Variants in HSPB8 observed in about 807,000 individuals in gnomAD.
HSPB8 encodes heat shock protein family B (small) member 8.
Under a neutral mutation model 16.5 loss-of-function variants are expected in HSPB8, and 9 were observed. The observed-to-expected ratio is 0.55, with a 90% confidence interval of 0.33 to 0.95. The LOEUF (loss-of-function observed/expected upper bound fraction) is 0.95, where lower values mean the gene tolerates loss of function less well. Ranked by LOEUF, HSPB8 falls within the 40% of genes least tolerant of loss-of-function variation. The pLI is 0.03. For missense variants in HSPB8, 238 were observed against 251.2 expected (o/e 0.95, Z 0.35); for synonymous variants, 99 against 94.8 (o/e 1.04, Z -0.26).
At chr12:119,186,579 C>G (rs1954677316) in intron 1 of HSPB8, among the ~76,000 whole-genome samples, 1 of 152,122 alleles carries the variant, frequency 6.6e-6, no homozygotes, top group Admixed American at 6.5e-5. Context: ...ATAAAGCAAG[C>G]TACATGGCAG....
chr12:119,188,177 C>T (rs1954688569), intron 2 of HSPB8, among the ~76,000 whole-genome samples: 1 of 152,000 alleles, frequency 6.6e-6, no homozygotes, highest in Non-Finnish European at 1.5e-5. Context: ...ATACCTTCTC[C>T]CTAATCAGCA....
At position 119,179,266 on chromosome 12, in the gene HSPB8, G is replaced by T; in HGVS notation, c.-47G>T. The T allele has an allele frequency of 6.2e-7, 1 of 1,603,170 alleles. No individual in the cohort carries two copies. Among genetic ancestry groups the T allele is most frequent in the Non-Finnish European group, 8.5e-7 (1 of 1,173,016 alleles). ...CTTGTTGTGTGACCTTGGGCAGGTG[G>T]TTCTGTCTCTCTGAGCCTCTGTTTC... On this transcript the variant is annotated 5_prime_UTR_variant, in exon 1 of 3. Coordinates refer to ENST00000281938, the MANE Select transcript of HSPB8 (RefSeq NM_014365.3).
chr12:119,193,547 C>A (rs1954725005), intron 2 of HSPB8, 152 bp from the exon 3 acceptor site: 1 of 774,788 alleles, frequency 1.3e-6, no homozygotes, highest in Non-Finnish European at 2.2e-6. Flanking sequence ...CAAGACCACA[C>A]AGCTAGAAAG....
At chr12:119,184,878 G>C (rs568114538) in intron 1 of HSPB8, among the ~76,000 whole-genome samples, 7 of 152,270 alleles carry the variant, frequency 4.6e-5, no homozygotes, top group African/African-American at 1.7e-4. Flanking sequence ...ATAGAACACT[G>C]CAGCCATTAA....
chr12:119,190,407 G>A lies in HSPB8; in HGVS notation c.432-3292G>A, dbSNP rs118077627. ...TCCACCCAGGCAGGATGCTGCAGCT[G>A]TTTGCCTTAACCATGGCAAGGAAAT... On this transcript the variant is annotated intron_variant, in intron 2 of 2. Transcript: ENST00000281938. 4.8e-3 allele frequency among the ~76,000 whole-genome samples: 731 copies of A among 152,328 alleles called. 1 individual carries two copies. Among genetic ancestry groups the A allele is most frequent in the Non-Finnish European group, 8.7e-3 (593 of 68,040 alleles).
In HSPB8 at chr12:119,194,035, C is replaced by G. The variant is rs1386627283; in HGVS notation, c.*177C>G. The G allele has an allele frequency of 4.3e-6, 3 of 705,762 alleles. No individual in the cohort carries two copies. Among genetic ancestry groups the G allele is most frequent in the Non-Finnish European group, 7.4e-6 (3 of 405,932 alleles). 43.7% of individuals were successfully genotyped at this position (705,762 alleles called of 1,614,324 possible). A position where few individuals can be genotyped will look rare whatever the true frequency, so the allele number is the denominator to read the frequency against. On this transcript the variant is annotated 3_prime_UTR_variant, in exon 3 of 3. Coordinates refer to ENST00000281938, the MANE Select transcript of HSPB8 (RefSeq NM_014365.3). ...AGTGGTAGATTTCTCCACAGGATAG[C>G]GCAATTGGCAAATCATGCTTGGTTG...
chr12:119,187,202 G>T, intron 2 of HSPB8, 114 bp downstream of exon 2: 1 of 824,696 alleles, frequency 1.2e-6, no homozygotes, highest in South Asian at 1.4e-5. Flanking sequence ...ACACCTCCTT[G>T]GGGCAGGGAA....
intron 2 of HSPB8, among the ~76,000 whole-genome samples, chr12:119,190,592 T>C (rs1592931879): frequency 6.6e-6 from 1 of 152,310 alleles, no homozygotes; most frequent in East Asian, 1.9e-4. Context: ...TCACATCCCA[T>C]CTTCACTATT....
At chr12:119,190,889 T>C (rs893235208) in intron 2 of HSPB8, among the ~76,000 whole-genome samples, 4 of 152,224 alleles carry the variant, frequency 2.6e-5, no homozygotes, top group Non-Finnish European at 5.9e-5. Context: ...TTCCTTCAGA[T>C]GTAAGTAGAA....
Position 119,179,426 on chromosome 12 carries a change from C to T in HSPB8, c.114C>T (p.Asp38=). ...TGCTGGATGATGGCTTTGGCATGGA[C>T]CCCTTCCCAGACGACTTGACAGCCT... ...SRLLDDGFGM[D]PFPDDLTASW... is the part of the protein sequence containing the mutation. Residue 38 remains aspartate (D), a synonymous_variant, in exon 1 of 3, where the codon GAC becomes GAT. Coordinates refer to ENST00000281938, the MANE Select transcript of HSPB8 (RefSeq NM_014365.3). 2 of 1,614,124 alleles carry T rather than the reference C, an allele frequency of 1.2e-6. No homozygotes were observed. The highest frequency in any genetic ancestry group is 1.1e-5 in the South Asian group (1 of 91,080).
At chr12:119,180,678 C>T (rs1448808431) in intron 1 of HSPB8, among the ~76,000 whole-genome samples, 1 of 152,218 alleles carries the variant, frequency 6.6e-6, no homozygotes, top group Admixed American at 6.5e-5. Context: ...AGACAGGAAG[C>T]TCAGCCCCTG....
At chr12:119,186,692 ACTTGGAAGATTTG>A (rs1954678179) in intron 1 of HSPB8, 3 of 339,946 alleles carry the variant, frequency 8.8e-6, no homozygotes, top group Non-Finnish European at 1.7e-5. Flanking sequence ...CAGGTGGGAG[ACTTGGAAGATTTG>A]GTACAACACA....
At chr12:119,189,935 G>A (rs1230847449) in intron 2 of HSPB8, among the ~76,000 whole-genome samples, 1 of 152,168 alleles carries the variant, frequency 6.6e-6, no homozygotes, top group East Asian at 1.9e-4. Flanking sequence ...CCTTCTGAAT[G>A]GTCAGTGCCC....
chr12:119,187,990 A>G (rs1954687442), intron 2 of HSPB8, among the ~76,000 whole-genome samples: 1 of 152,068 alleles, frequency 6.6e-6, no homozygotes, highest in Non-Finnish European at 1.5e-5. Flanking sequence ...AGTAGAAGGG[A>G]TTCATGTTTA....
chr12:119,189,426 G>T (rs1160554791), intron 2 of HSPB8, among the ~76,000 whole-genome samples: 1 of 151,800 alleles, frequency 6.6e-6, no homozygotes, highest in Non-Finnish European at 1.5e-5. Flanking sequence ...CCAGGCTGGT[G>T]CTCAGCTGCT....
Position 119,189,858 on chromosome 12 carries a change from A to C in HSPB8, c.431+2770A>C, listed in dbSNP as rs530729705. Among the ~76,000 whole-genome samples, 492 of 152,008 alleles carry C rather than the reference A, an allele frequency of 3.2e-3. 2 individuals are homozygous for C. Among genetic ancestry groups the C allele is most frequent in the African/African-American group, 0.011 (471 of 41,466 alleles). On this transcript the variant is annotated intron_variant, in intron 2 of 2. Coordinates refer to ENST00000281938, the MANE Select transcript of HSPB8 (RefSeq NM_014365.3). ...TGATCTTGTCCCCAGGACCCTCTAA[A>C]CCTCTCCACCTTCCAACAACTAAAG...
At chr12:119,191,447 G>T (rs1954711630) in intron 2 of HSPB8, among the ~76,000 whole-genome samples, 1 of 152,130 alleles carries the variant, frequency 6.6e-6, no homozygotes, top group Non-Finnish European at 1.5e-5. Context: ...GCTTGACTTG[G>T]CAGCTTTCTA....
intron 1 of HSPB8, among the ~76,000 whole-genome samples, chr12:119,180,622 A>T (rs1954630669): frequency 6.6e-6 from 1 of 152,166 alleles, no homozygotes; most frequent in South Asian, 2.1e-4. Flanking sequence ...TCACTGCCGC[A>T]TCCCACCCTG....
At chr12:119,182,190 G>T (rs1954642415) in intron 1 of HSPB8, 1 of 152,134 alleles carries the variant, frequency 6.6e-6, no homozygotes, top group Non-Finnish European at 1.5e-5. Context: ...CTGTAAAATG[G>T]GGTCATTGGG....
Sources: allele counts gnomAD v4.1 joint callset (sites outside exome capture counted in the v4.1 genomes callset), GRCh38; gene constraint gnomAD v4.1.1; transcripts MANE v1.5; gene names NCBI Gene and HGNC (gene_info 2026-07-23, HGNC 2026-07-21).